KCNJ6: variants seen among roughly 807,000 people sequenced by gnomAD.
KCNJ6 encodes the protein G protein-activated inward rectifier potassium channel 2.
In KCNJ6, 9 loss-of-function variants were observed where a neutral mutation model predicts 34.2. That is an observed-to-expected ratio of 0.26 (90% CI 0.16 to 0.46). The LOEUF (loss-of-function observed/expected upper bound fraction) is 0.46. Among genes scored for constraint, KCNJ6 ranks in the 20% least tolerant of loss-of-function variants. The pLI is 1.00. For synonymous variants in KCNJ6, 196 were observed against 207.1 expected (o/e 0.95, Z 0.46); for missense variants, 236 against 531.3 (o/e 0.44, Z 5.46).
intron 2 of KCNJ6, among the ~76,000 whole-genome samples, chr21:37,729,337 G>GA (rs1403789455): frequency 1.6e-5 from 1 of 62,530 alleles, no homozygotes; most frequent in Non-Finnish European, 3.9e-5. Context: ...TTCTTTTTGG[G>GA]GGGGGGGGCA....
intron 2 of KCNJ6, among the ~76,000 whole-genome samples, chr21:37,807,729 C>T (rs1042840392): frequency 1.3e-5 from 2 of 152,208 alleles, no homozygotes; most frequent in African/African-American, 4.8e-5. Context: ...TATCATCTAG[C>T]AATTTGAACT....
At chr21:37,908,972 C>A (rs879498103) in intron 1 of KCNJ6, among the ~76,000 whole-genome samples, 5 of 152,210 alleles carry the variant, frequency 3.3e-5, no homozygotes, top group Admixed American at 6.5e-5. Context: ...GCTGCTCTTG[C>A]AGTTAGGTAT....
chr21:37,835,732 C>T (rs2055448337), intron 2 of KCNJ6, among the ~76,000 whole-genome samples: 1 of 152,174 alleles, frequency 6.6e-6, no homozygotes, highest in African/African-American at 2.4e-5. Flanking sequence ...CCACTAGAAT[C>T]AGGCTTTCAG....
chr21:37,633,489 T>TAAAG (rs58018313), intron 3 of KCNJ6, among the ~76,000 whole-genome samples: 111,269 of 151,570 alleles, frequency 0.73, 41,239 homozygotes, highest in East Asian at 0.9. Flanking sequence ...AAAAATAAGA[T>TAAAG]AAATACAATA....
At chr21:37,681,654 C>T (rs1399591) in intron 3 of KCNJ6, among the ~76,000 whole-genome samples, 76,206 of 152,010 alleles carry the variant, frequency 0.5, 19,115 homozygotes, top group East Asian at 0.52. Flanking sequence ...TTTTCTTTCA[C>T]GCTAAAAGGT....
At chr21:37,816,406 A>T (rs2055347177) in intron 2 of KCNJ6, among the ~76,000 whole-genome samples, 1 of 152,180 alleles carries the variant, frequency 6.6e-6, no homozygotes, top group African/African-American at 2.4e-5. Flanking sequence ...TTCTCAGTTC[A>T]TGTCTGTGTT....
intron 1 of KCNJ6, among the ~76,000 whole-genome samples, chr21:37,852,591 T>G (rs1385619933): frequency 6.6e-6 from 1 of 152,222 alleles, no homozygotes. Context: ...AGAGGAGTCC[T>G]GCTATAATAC....
At chr21:37,891,348 C>CAA (rs2055761187) in intron 1 of KCNJ6, among the ~76,000 whole-genome samples, 3 of 152,188 alleles carry the variant, frequency 2.0e-5, no homozygotes, top group African/African-American at 7.2e-5. Context: ...CACGCATAGA[C>CAA]AAACACACAG....
chr21:37,633,699 C>A (rs2054343897), intron 3 of KCNJ6, among the ~76,000 whole-genome samples: 1 of 151,082 alleles, frequency 6.6e-6, no homozygotes, highest in Non-Finnish European at 1.5e-5. Flanking sequence ...CAACCCTTCA[C>A]CATTTCCTCT....
chr21:37,739,680 C>T (rs912461036), intron 2 of KCNJ6, among the ~76,000 whole-genome samples: 2 of 151,968 alleles, frequency 1.3e-5, no homozygotes, highest in African/African-American at 4.8e-5. Flanking sequence ...TTTCTGCACA[C>T]CACTAATAAC....
chr21:37,650,533 TC>T (rs34036483), intron 3 of KCNJ6, among the ~76,000 whole-genome samples: 1 of 152,162 alleles, frequency 6.6e-6, no homozygotes, highest in African/African-American at 2.4e-5. Context: ...TGCGTGTCAT[TC>T]CCCTGCCTGG....
In KCNJ6 at chr21:37,823,094, C is replaced by T. The variant is rs542083673; in HGVS notation, c.25+17564G>A. Among the ~76,000 whole-genome samples the T allele has an allele frequency of 4.6e-5, 7 of 152,168 alleles. No individual in the cohort carries two copies. The East Asian group carries it at 9.7e-4, about 21-fold the overall frequency. On this transcript the variant is annotated intron_variant, in intron 2 of 3. Coordinates refer to ENST00000609713, the MANE Select transcript of KCNJ6 (RefSeq NM_002240.5). Reference sequence around the variant, plus strand: ...AACCTGTGTCACCCTCCCCTAAACCCGAGCAGCACAGCATGGAGAGAGATG... The same window carrying T: ...AACCTGTGTCACCCTCCCCTAAACCTGAGCAGCACAGCATGGAGAGAGATG...
chr21:37,827,048 C>T (rs965952794), intron 2 of KCNJ6, among the ~76,000 whole-genome samples: 1 of 152,112 alleles, frequency 6.6e-6, no homozygotes, highest in Non-Finnish European at 1.5e-5. Flanking sequence ...GGCACAGTGG[C>T]CTCTGGGTTT....
chr21:37,670,418 C>T (rs565819597), intron 3 of KCNJ6, among the ~76,000 whole-genome samples: 13 of 152,124 alleles, frequency 8.5e-5, no homozygotes, highest in Non-Finnish European at 1.9e-4. Context: ...GGAATTTTGG[C>T]AGGGATAACA....
intron 3 of KCNJ6, among the ~76,000 whole-genome samples, chr21:37,700,190 A>G (rs1399524975): frequency 6.6e-6 from 1 of 152,082 alleles, no homozygotes; most frequent in African/African-American, 2.4e-5. Context: ...CATCATGGAG[A>G]TTTGCAGAAA....
At chr21:37,728,488 A>C (rs1340526808) in intron 2 of KCNJ6, among the ~76,000 whole-genome samples, 1 of 152,234 alleles carries the variant, frequency 6.6e-6, no homozygotes, top group Non-Finnish European at 1.5e-5. Flanking sequence ...GTGCTTAAAC[A>C]CAGAAAGCAT....
chr21:37,644,658 G>A (rs138022085), intron 3 of KCNJ6, among the ~76,000 whole-genome samples: 14 of 152,286 alleles, frequency 9.2e-5, no homozygotes, highest in Admixed American at 7.2e-4. Context: ...CACAGCTTAC[G>A]CCTGGCCTAG....
chr21:37,771,572 T>A (rs568564476), intron 2 of KCNJ6, among the ~76,000 whole-genome samples: 12 of 152,316 alleles, frequency 7.9e-5, no homozygotes, highest in African/African-American at 2.9e-4. Context: ...AGTGGGTGTG[T>A]GGGTGAGGTA....
At chr21:37,800,682 T>C (rs1440662531) in intron 2 of KCNJ6, among the ~76,000 whole-genome samples, 2 of 152,206 alleles carry the variant, frequency 1.3e-5, no homozygotes, top group Admixed American at 1.3e-4. Flanking sequence ...TTGATAAGCA[T>C]ATCATTCTCT....
Sources: gnomAD v4.1 joint callset for allele counts (sites outside exome capture counted in the v4.1 genomes callset) on GRCh38, gnomAD v4.1.1 for gene constraint, MANE v1.5 for transcripts, NCBI Gene and HGNC (gene_info 2026-07-23, HGNC 2026-07-21) for gene names.